Variants in TRIO observed in about 807,000 individuals in gnomAD.
TRIO encodes triple functional domain protein.
TRIO carries 58 observed loss-of-function variants against 351.9 expected under a neutral mutation model. The observed-to-expected ratio is 0.16, with a 90% CI of 0.13 to 0.21. The LOEUF is 0.21. Ranked by LOEUF, TRIO falls within the 10% of genes least tolerant of loss-of-function variation. The probability of loss-of-function intolerance (pLI) is 1.00; values close to 1 mark genes in which losing one functional copy is unlikely to be tolerated. For missense variants in TRIO, 3,201 were observed against 4,027.8 expected (o/e 0.79, Z 5.56); for synonymous variants, 1,758 against 1,595.7 (o/e 1.10, Z -2.42).
intron 1 of TRIO, among the ~76,000 whole-genome samples, chr5:14,256,015 G>C (rs1242517418): frequency 1.3e-5 from 2 of 152,174 alleles, no homozygotes; most frequent in Non-Finnish European, 2.9e-5. Context: ...ATACTAGTCT[G>C]TTCTTTTGTT....
chr5:14,430,448 C>G (rs1751003323), intron 34 of TRIO, among the ~76,000 whole-genome samples: 1 of 152,042 alleles, frequency 6.6e-6, no homozygotes. Context: ...GCAGTGATTT[C>G]CAAAGAGCAA....
intron 37 of TRIO, chr5:14,466,072 C>G: frequency 5.3e-6 from 1 of 187,380 alleles, no homozygotes; most frequent in Non-Finnish European, 1.1e-5. Flanking sequence ...TAGGTAGTCT[C>G]CTGCCCCTCC....
intron 1 of TRIO, among the ~76,000 whole-genome samples, chr5:14,157,273 G>A (rs1021185810): frequency 1.3e-5 from 2 of 152,142 alleles, no homozygotes; most frequent in East Asian, 1.9e-4. Flanking sequence ...GCCTCAGTGC[G>A]GGATTTCTGG....
At chr5:14,345,499 C>T (rs2152326268) in intron 11 of TRIO, among the ~76,000 whole-genome samples, 1 of 152,310 alleles carries the variant, frequency 6.6e-6, no homozygotes, top group South Asian at 2.1e-4. Context: ...GGCACTTCAA[C>T]ACAAGGTCAA....
At chr5:14,357,984 A>T (rs1375674215) in intron 11 of TRIO, among the ~76,000 whole-genome samples, 194 bp from the exon 12 acceptor site, 1 of 151,992 alleles carries the variant, frequency 6.6e-6, no homozygotes, top group Non-Finnish European at 1.5e-5. Context: ...TTTGTTGTGC[A>T]TGTGTTCCGC....
At chr5:14,430,011 G>T (rs1379968258) in intron 34 of TRIO, among the ~76,000 whole-genome samples, 1 of 152,014 alleles carries the variant, frequency 6.6e-6, no homozygotes, top group African/African-American at 2.4e-5. Context: ...ATCGGGCTGG[G>T]ATCAGTTTGT....
intron 1 of TRIO, among the ~76,000 whole-genome samples, chr5:14,216,301 T>G (rs994491857): frequency 6.6e-6 from 1 of 152,230 alleles, no homozygotes; most frequent in African/African-American, 2.4e-5. Flanking sequence ...GGTTTGGCTG[T>G]ATTAGAGTTG....
chr5:14,485,485 C>T (rs1011804189), intron 47 of TRIO, among the ~76,000 whole-genome samples: 2 of 152,206 alleles, frequency 1.3e-5, no homozygotes, highest in Non-Finnish European at 2.9e-5. Flanking sequence ...TAATTTGCTT[C>T]GAGTCCCACA....
chr5:14,448,662 C>T (rs1425469684), intron 34 of TRIO, among the ~76,000 whole-genome samples: 3 of 152,176 alleles, frequency 2.0e-5, no homozygotes, highest in South Asian at 2.1e-4. Context: ...ATGTGGACTG[C>T]GCGTTAGGAG....
intron 9 of TRIO, among the ~76,000 whole-genome samples, chr5:14,326,682 A>C (rs903459342): frequency 6.6e-6 from 1 of 152,234 alleles, no homozygotes; most frequent in Non-Finnish European, 1.5e-5. Context: ...AATAGATAAC[A>C]GGACTGTCTG....
chr5:14,316,432 A>T (rs1360631342), intron 8 of TRIO, 81 bp from the exon 9 acceptor site: 1 of 1,421,996 alleles, frequency 7.0e-7, no homozygotes, highest in East Asian at 2.4e-5. Flanking sequence ...GTGCACACAC[A>T]TGTATCCAAG....
At chr5:14,156,180 T>A (rs1788094260) in intron 1 of TRIO, among the ~76,000 whole-genome samples, 1 of 152,200 alleles carries the variant, frequency 6.6e-6, no homozygotes, top group African/African-American at 2.4e-5. Context: ...CCTGTCTCCA[T>A]CATTTTTTTG....
At position 14,189,485 on chromosome 5, in the gene TRIO, A is replaced by G. The variant is rs151289153; in HGVS notation, c.157+45603A>G. Among the ~76,000 whole-genome samples, 240 of 152,334 alleles carry G rather than the reference A, an allele frequency of 1.6e-3. 1 individual carries two copies. The highest frequency in any genetic ancestry group is 2.9e-3 in the Non-Finnish European group (198 of 68,016). ...GTTAATCCCCCCAAATACAAATAAC[A>G]GCAGTTCCTTTTTATCATAAAGTAA... On this transcript the variant is annotated intron_variant, in intron 1 of 56. Coordinates refer to ENST00000344204, the MANE Select transcript of TRIO (RefSeq NM_007118.4).
intron 2 of TRIO, among the ~76,000 whole-genome samples, chr5:14,277,526 A>G (rs1168473650): frequency 3.0e-4 from 46 of 152,210 alleles, no homozygotes; most frequent in Admixed American, 3.0e-3. Flanking sequence ...AATGAGGCTG[A>G]CATCTGTCCC....
chr5:14,280,385 T>C lies in TRIO; in HGVS notation c.296T>C (p.Ile99Thr), dbSNP rs1452167763. 3.1e-6 allele frequency: 5 copies of C among 1,614,170 alleles called. No homozygotes were observed. ...TFPARSNHDR[I>T]RQEDLRRLIS... ...CCGGCCCGCAGCAATCATGACAGAA[T>C]ACGACAGGAGGATCTCAGGAGACTC... is the stretch of plus-strand genomic sequence containing the variant. The change falls in exon 3 of 57, where the codon ATA (isoleucine) becomes ACA (threonine). Residue 99 changes from isoleucine (I) to threonine (T), a missense_variant. Physicochemically the swap from Ile to Thr is moderately conservative, Grantham distance 89. This residue lies in a region of TRIO where 109 missense variants were observed against 134.6 expected (regional missense o/e 0.81). Transcript: ENST00000344204.
chr5:14,400,840 C>T, intron 30 of TRIO, 123 bp from the exon 31 acceptor site: 1 of 758,400 alleles, frequency 1.3e-6, no homozygotes, highest in Non-Finnish European at 2.2e-6. Context: ...CAGCTGAGAT[C>T]ACTAGTGACG....
At chr5:14,211,162 G>A (rs1791866017) in intron 1 of TRIO, among the ~76,000 whole-genome samples, 1 of 152,196 alleles carries the variant, frequency 6.6e-6, no homozygotes, top group African/African-American at 2.4e-5. Flanking sequence ...GTTATAGTTA[G>A]ATCAACGATT....
chr5:14,164,953 A>G (rs1452323620), intron 1 of TRIO, among the ~76,000 whole-genome samples: 5 of 152,232 alleles, frequency 3.3e-5, no homozygotes, highest in Non-Finnish European at 5.9e-5. Context: ...GGCACAGGCC[A>G]CAGAACAGAT....
intron 1 of TRIO, among the ~76,000 whole-genome samples, chr5:14,145,748 C>A (rs1279228945): frequency 6.6e-6 from 1 of 152,128 alleles, no homozygotes; most frequent in Non-Finnish European, 1.5e-5. Flanking sequence ...ATGCATAGTA[C>A]AAAAATCACT....
Sources: gnomAD v4.1 joint callset for allele counts (sites outside exome capture counted in the v4.1 genomes callset) on GRCh38, gnomAD v4.1.1 for gene constraint, gnomAD v4.1.1 regional missense constraint, MANE v1.5 for transcripts, NCBI Gene and HGNC (gene_info 2026-07-23, HGNC 2026-07-21) for gene names.